The following OR9Q1 variants were observed in gnomAD, a reference collection of about 807,000 sequenced individuals.
OR9Q1 encodes the protein olfactory receptor family 9 subfamily Q member 1.
For synonymous variants in OR9Q1, 153 were observed against 148.6 expected, an observed-to-expected ratio of 1.03 and a Z score of -0.22; for missense variants, 374 against 378.8, an observed-to-expected ratio of 0.99 and a Z score of 0.11.
At chr11:58,064,915 T>TAC (rs887574204) in intron 2 of OR9Q1, among the ~76,000 whole-genome samples, 2 of 151,520 alleles carry the variant, frequency 1.3e-5, no homozygotes, top group African/African-American at 4.9e-5. Context: ...TTTAGACACA[T>TAC]ACACACACAC....
intron 2 of OR9Q1, among the ~76,000 whole-genome samples, chr11:58,130,880 T>C (rs1394262942): frequency 6.8e-6 from 1 of 147,324 alleles, no homozygotes; most frequent in Non-Finnish European, 1.5e-5. Context: ...CATTAATGTC[T>C]ATAATCATTA....
chr11:58,035,922 G>A (rs974773393), intron 1 of OR9Q1, among the ~76,000 whole-genome samples: 40 of 147,732 alleles, frequency 2.7e-4, no homozygotes, highest in Admixed American at 2.7e-4. Context: ...TATGTTTTGT[G>A]TTATTGTGCT....
At chr11:58,088,034 C>G (rs1163680472) in intron 2 of OR9Q1, among the ~76,000 whole-genome samples, 5 of 151,748 alleles carry the variant, frequency 3.3e-5, no homozygotes, top group Admixed American at 6.6e-5. Context: ...ATTACAGGGG[C>G]ACACCTGTAG....
chr11:58,111,411 T>C (rs1051767541), intron 2 of OR9Q1, among the ~76,000 whole-genome samples: 6 of 152,344 alleles, frequency 3.9e-5, no homozygotes, highest in African/African-American at 1.4e-4. Flanking sequence ...GAGTTTCCTA[T>C]TGTTTTAAAA....
In OR9Q1 at chr11:58,031,064, C is replaced by T. The variant is rs780615484; in HGVS notation, c.-93+6960C>T. On this transcript the variant is annotated intron_variant, in intron 1 of 2. Transcript: ENST00000335397. ...CTTCATACTCTTCCTCACCATGTAC[C>T]TGTTCACCTTGGTGGAGAATTTGGC... The T allele has an allele frequency of 6.2e-6, 10 of 1,613,872 alleles. No individual in the cohort carries two copies. The South Asian group carries it at 9.9e-5, about 16-fold the overall frequency.
chr11:58,077,530 C>CAAAGG (rs1178161649), intron 2 of OR9Q1: 1 of 152,016 alleles, frequency 6.6e-6, no homozygotes, highest in Admixed American at 6.6e-5. Context: ...ATGGGGATCC[C>CAAAGG]AAAGGAAGGT....
intron 1 of OR9Q1, among the ~76,000 whole-genome samples, chr11:58,042,095 T>C (rs1379091833): frequency 3.3e-5 from 5 of 152,236 alleles, no homozygotes; most frequent in African/African-American, 1.2e-4. Context: ...ACACAGATTC[T>C]CTTTTTAAAC....
intron 2 of OR9Q1, among the ~76,000 whole-genome samples, chr11:58,158,793 A>G (rs1854431857): frequency 6.6e-6 from 1 of 152,218 alleles, no homozygotes; most frequent in Non-Finnish European, 1.5e-5. Context: ...ACTATATACA[A>G]TTGGGAACTG....
chr11:58,031,702 T>C, intron 1 of OR9Q1: 2 of 1,614,026 alleles, frequency 1.2e-6, no homozygotes, highest in Non-Finnish European at 1.7e-6. Context: ...CTCACCTGAC[T>C]GTGGTGAGCC....
At chr11:58,147,155 A>G (rs1234487578) in intron 2 of OR9Q1, among the ~76,000 whole-genome samples, 4 of 152,152 alleles carry the variant, frequency 2.6e-5, no homozygotes, top group African/African-American at 7.2e-5. Flanking sequence ...TGTTAGAGAA[A>G]GCTAGCAGGT....
intron 2 of OR9Q1, among the ~76,000 whole-genome samples, chr11:58,126,727 T>C (rs772974650): frequency 5.3e-5 from 8 of 152,192 alleles, no homozygotes; most frequent in Non-Finnish European, 7.3e-5. Flanking sequence ...ATATGTAGTG[T>C]ATTCTAATAC....
intron 2 of OR9Q1, among the ~76,000 whole-genome samples, chr11:58,143,847 C>T (rs1268580193): frequency 6.6e-6 from 1 of 151,778 alleles, no homozygotes; most frequent in Non-Finnish European, 1.5e-5. Context: ...GCACATGTAC[C>T]CCAGAACTTA....
intron 2 of OR9Q1, chr11:58,145,262 A>G (rs1854289550): frequency 6.6e-6 from 1 of 152,326 alleles, no homozygotes; most frequent in Non-Finnish European, 1.5e-5. Context: ...TATACCTGAA[A>G]GGCAACATGG....
intron 2 of OR9Q1, among the ~76,000 whole-genome samples, chr11:58,112,929 A>G (rs1853916676): frequency 6.6e-6 from 1 of 151,958 alleles, no homozygotes; most frequent in Non-Finnish European, 1.5e-5. Flanking sequence ...TCCTCTCAAC[A>G]CTTGTTGAAA....
At chr11:58,161,150 G>A (rs546568013) in intron 2 of OR9Q1, among the ~76,000 whole-genome samples, 62 of 151,552 alleles carry the variant, frequency 4.1e-4, no homozygotes, top group Admixed American at 1.5e-3. Context: ...TGTAAATGAC[G>A]AGTTGATGGT....
chr11:58,161,438 G>C (rs75488964), intron 2 of OR9Q1, among the ~76,000 whole-genome samples: 3 of 152,032 alleles, frequency 2.0e-5, no homozygotes, highest in African/African-American at 7.2e-5. Context: ...GAATTCTCAC[G>C]GGATTTCCAG....
At chr11:58,081,550 G>A (rs537403967) in intron 2 of OR9Q1, among the ~76,000 whole-genome samples, 1 of 152,202 alleles carries the variant, frequency 6.6e-6, no homozygotes, top group South Asian at 2.1e-4. Context: ...GTTTTGATTT[G>A]CATTTCTCTA....
intron 2 of OR9Q1, chr11:58,077,776 C>G (rs1853551254): frequency 6.6e-6 from 1 of 152,214 alleles, no homozygotes; most frequent in African/African-American, 2.4e-5. Flanking sequence ...ATTGTCATCA[C>G]AGAAGAAGCG....
chr11:58,091,919 T>G (rs1853687557), intron 2 of OR9Q1, among the ~76,000 whole-genome samples: 1 of 152,204 alleles, frequency 6.6e-6, no homozygotes, highest in African/African-American at 2.4e-5. Context: ...TTTTTTGATC[T>G]TTCTTGGTTT....
Sources: gnomAD v4.1 joint callset for allele counts (sites outside exome capture counted in the v4.1 genomes callset) on GRCh38, gnomAD v4.1.1 for gene constraint, MANE v1.5 for transcripts, NCBI Gene and HGNC (gene_info 2026-07-23, HGNC 2026-07-21) for gene names.